Variants in PUS7 observed in about 807,000 individuals in gnomAD.
PUS7 encodes pseudouridine synthase 7, also known as pseudouridylate synthase 7 homolog.
PUS7 carries 48 observed loss-of-function variants against 79.8 expected under a neutral mutation model. The ratio of observed to expected loss-of-function variants is 0.60; its 90% CI spans 0.48 to 0.76. The LOEUF (loss-of-function observed/expected upper bound fraction) is 0.76. Ranked by LOEUF, PUS7 falls within the 30% of genes least tolerant of loss-of-function variation. PUS7 has a pLI of 0.00. For missense variants in PUS7, 729 were observed against 797.6 expected (o/e 0.91, Z 1.04); for synonymous variants, 286 against 272.2 (o/e 1.05, Z -0.50).
At chr7:105,476,255 ATGC>A (rs887484248) in intron 9 of PUS7, among the ~76,000 whole-genome samples, 1 of 152,024 alleles carries the variant, frequency 6.6e-6, no homozygotes, top group African/African-American at 2.4e-5. Flanking sequence ...GCTATTGTGA[ATGC>A]TGCTATTATG....
At position 105,482,840 on chromosome 7, in the gene PUS7, T is replaced by G. The variant is rs536509325; in HGVS notation, c.921-400A>C. 2.6e-5 allele frequency among the ~76,000 whole-genome samples: 4 copies of G among 152,280 alleles called. No homozygotes were observed. The South Asian group carries it at 8.3e-4, about 32-fold the overall frequency. On this transcript the variant is annotated intron_variant, in intron 7 of 15. Transcript: ENST00000469408. ...GCATTTAAAAAAAGGTCATTATTTT[T>G]GTCAATCAGAAAAATTTTGTAAACT...
chr7:105,458,841 G>A lies in PUS7; in HGVS notation c.1849+327C>T, dbSNP rs534780022. The stretch of plus-strand genomic sequence containing the variant: ...CTCCCAAAGTGCTGGGATTACAAGC[G>A]TGAGCCACCGCACCTGCCCAACCAA... On this transcript the variant is annotated intron_variant, in intron 15 of 15. Coordinates refer to ENST00000469408, the MANE Select transcript of PUS7 (RefSeq NM_019042.5). 4.6e-5 allele frequency among the ~76,000 whole-genome samples: 7 copies of A among 152,142 alleles called. No homozygotes were observed. In the East Asian group the frequency reaches 7.7e-4, roughly 17 times the overall value.
chr7:105,460,008 G>C (rs1156574811), intron 14 of PUS7, among the ~76,000 whole-genome samples: 1 of 152,050 alleles, frequency 6.6e-6, no homozygotes, highest in African/African-American at 2.4e-5. Context: ...GCGTGATCTT[G>C]GCTCACTGCA....
At position 105,457,824 on chromosome 7, in the gene PUS7, T is replaced by C; in HGVS notation, c.1952A>G (p.Asn651Ser). Residue 651 changes from asparagine (N) to serine (S), a missense_variant, in exon 16 of 16, where the codon AAC becomes AGC. Physicochemically the swap from Asn to Ser is conservative, Grantham distance 46. Coordinates refer to ENST00000469408, the MANE Select transcript of PUS7 (RefSeq NM_019042.5). ...CCAGGTTGTATTCAGCTGCGTCTGGTTCTTGATACTGGTATCCATTTTTAG... is the reference window on the plus strand; with the variant it reads ...CCAGGTTGTATTCAGCTGCGTCTGGCTCTTGATACTGGTATCCATTTTTAG... Reference protein sequence around the residue: ...EVLKMDTSIKNQTQLNTTWLR With the variant: ...EVLKMDTSIKSQTQLNTTWLR 1.2e-6 allele frequency: 2 copies of C among 1,614,154 alleles called. No individual in the cohort carries two copies. The highest frequency in any genetic ancestry group is 1.7e-6 in the Non-Finnish European group (2 of 1,180,000).
chr7:105,496,023 T>TG (rs1022949774), intron 5 of PUS7, among the ~76,000 whole-genome samples: 3 of 151,606 alleles, frequency 2.0e-5, no homozygotes, highest in African/African-American at 7.3e-5. Flanking sequence ...AGCTGGGCAT[T>TG]GTGGCGAGTG....
At chr7:105,496,226 T>TAGAGAGAGAGAGAGAGAG (rs1220535538) in intron 5 of PUS7, among the ~76,000 whole-genome samples, 2 of 81,132 alleles carry the variant, frequency 2.5e-5, no homozygotes, top group African/African-American at 4.7e-5. Context: ...TATATATATA[T>TAGAGAGAGAGAGAGAGAG]AGAGAGAGAG....
chr7:105,459,135 G>C, intron 15 of PUS7, 33 bp downstream of exon 15: 1 of 1,373,394 alleles, frequency 7.3e-7, no homozygotes. Flanking sequence ...ACATTTCAAA[G>C]TCAACACAGA....
chr7:105,518,927 C>T (rs1031017808), intron 1 of PUS7, among the ~76,000 whole-genome samples: 10 of 151,296 alleles, frequency 6.6e-5, no homozygotes, highest in East Asian at 2.0e-4. Flanking sequence ...CGCCACAACA[C>T]CAGGCTAATT....
At chr7:105,478,469 C>T (rs917880484) in intron 9 of PUS7, among the ~76,000 whole-genome samples, 5 of 152,210 alleles carry the variant, frequency 3.3e-5, no homozygotes, top group African/African-American at 1.2e-4. Context: ...CTAATCCTAA[C>T]ACTTGTTATT....
intron 9 of PUS7, among the ~76,000 whole-genome samples, chr7:105,478,703 G>A (rs776625432): frequency 8.5e-5 from 13 of 152,192 alleles, no homozygotes; most frequent in Non-Finnish European, 1.6e-4. Flanking sequence ...TTGGATACAA[G>A]TCATTTCTCC....
At chr7:105,458,712 T>C (rs2133016272) in intron 15 of PUS7, among the ~76,000 whole-genome samples, 1 of 151,940 alleles carries the variant, frequency 6.6e-6, no homozygotes, top group African/African-American at 2.4e-5. Context: ...TAGCTGGGAC[T>C]ACAGGAACCC....
intron 7 of PUS7, among the ~76,000 whole-genome samples, chr7:105,488,575 G>A (rs1824646875): frequency 6.6e-6 from 1 of 152,120 alleles, no homozygotes. Context: ...CGTCTGTCAT[G>A]GACTGGGTTA....
At chr7:105,462,492 C>A in intron 14 of PUS7, 129 bp downstream of exon 14, 2 of 971,632 alleles carry the variant, frequency 2.1e-6, no homozygotes, top group South Asian at 1.6e-5. Context: ...TCTTATGATA[C>A]CACCATCATA....
chr7:105,498,904 G>A (rs1208479073), intron 5 of PUS7, among the ~76,000 whole-genome samples: 1 of 152,180 alleles, frequency 6.6e-6, no homozygotes, highest in Non-Finnish European at 1.5e-5. Context: ...TGGGATTACA[G>A]GCGTGAGCCA....
intron 6 of PUS7, 25 bp downstream of exon 6, chr7:105,495,117 T>A: frequency 3.7e-6 from 5 of 1,347,720 alleles, no homozygotes; most frequent in Non-Finnish European, 4.2e-6. Flanking sequence ...TTTGATTTTG[T>A]ATAGGCATAA....
chr7:105,470,463 A>ACATTGACGCTTTTCTTGTGCCCT, intron 11 of PUS7: 2 of 391,984 alleles, frequency 5.1e-6, no homozygotes, highest in Non-Finnish European at 9.0e-6. Context: ...TATGTTTTCC[A>ACATTGACGCTTTTCTTGTGCCCT]CATTGACGCT....
At chr7:105,521,979 G>A (rs1483387759) in intron 1 of PUS7, 73 bp downstream of exon 1, 1 of 152,286 alleles carries the variant, frequency 6.6e-6, no homozygotes, top group Non-Finnish European at 1.5e-5. Flanking sequence ...CTTGGGGCGG[G>A]GCCCTGGGGC....
intron 7 of PUS7, among the ~76,000 whole-genome samples, chr7:105,487,986 C>A (rs916261555): frequency 2.6e-5 from 4 of 152,128 alleles, no homozygotes; most frequent in African/African-American, 4.8e-5. Flanking sequence ...ACGGGAAAGG[C>A]CAATCTGCCT....
rs970915728 is a variant in PUS7 at position 105,491,568 on chromosome 7, T to C, written c.892A>G (p.Ile298Val). 46 of 1,602,048 alleles carry C rather than the reference T, an allele frequency of 2.9e-5. No individual in the cohort carries two copies. In the Admixed American group the frequency reaches 7.0e-4, roughly 24 times the overall value. The change falls in exon 7 of 16, where the codon ATA becomes GTA. Residue 298 changes from isoleucine (I) to valine (V), a missense_variant. Transcript: ENST00000469408. Reference sequence around the variant, plus strand: ...AGAACAGCAATTTCTTGAACTGTTATAGCCCTTTTATCTTTGGTTCCCATG... The same window carrying C: ...AGAACAGCAATTTCTTGAACTGTTACAGCCCTTTTATCTTTGGTTCCCATG... ...SYMGTKDKRA[I>V]TVQEIAVLKI...
Sources: allele counts gnomAD v4.1 joint callset (sites outside exome capture counted in the v4.1 genomes callset), GRCh38; gene constraint gnomAD v4.1.1; transcripts MANE v1.5; gene names NCBI Gene and HGNC (gene_info 2026-07-23, HGNC 2026-07-21).